The following ATCAY variants were observed in gnomAD, a reference collection of about 807,000 sequenced individuals.
The protein encoded by ATCAY is caytaxin.
In ATCAY, 22 loss-of-function variants were observed where a neutral mutation model predicts 47.7. The observed-to-expected ratio is 0.46, with a 90% CI of 0.33 to 0.66. ATCAY has a LOEUF of 0.66. Ranked by LOEUF, ATCAY falls within the 30% of genes least tolerant of loss-of-function variation. The pLI, the probability that ATCAY is intolerant of heterozygous loss-of-function variation, is 0.02. For synonymous variants in ATCAY, 216 were observed against 207.6 expected, an observed-to-expected ratio of 1.04 and a Z score of -0.35; for missense variants, 452 against 515.0, an observed-to-expected ratio of 0.88 and a Z score of 1.18.
At chr19:3,910,038 G>A (rs572880054) in intron 7 of ATCAY, among the ~76,000 whole-genome samples, 6 of 152,122 alleles carry the variant, frequency 3.9e-5, no homozygotes, top group South Asian at 2.1e-4. Context: ...GCAGTGAGCC[G>A]AGATCATGCC....
At chr19:3,897,495 G>C (rs1360903872) in intron 2 of ATCAY, among the ~76,000 whole-genome samples, 1 of 150,674 alleles carries the variant, frequency 6.6e-6, no homozygotes, top group African/African-American at 2.4e-5. Flanking sequence ...GAGTCTCGCT[G>C]TGTTGCCCAG....
intron 12 of ATCAY, 55 bp downstream of exon 12, chr19:3,920,853 C>T (rs747045120): frequency 3.1e-6 from 5 of 1,593,826 alleles, no homozygotes; most frequent in South Asian, 2.2e-5. Context: ...CTTCATGGAC[C>T]TGTATTAGTC....
At chr19:3,893,636 C>T (rs2038738564) in intron 2 of ATCAY, 1 of 152,170 alleles carries the variant, frequency 6.6e-6, no homozygotes, top group African/African-American at 2.4e-5. Flanking sequence ...CAGGATCTCA[C>T]CTGACCTTGG....
At chr19:3,908,192 G>T (rs1049070687) in intron 5 of ATCAY, 76 bp from the exon 6 acceptor site, 2 of 1,303,468 alleles carry the variant, frequency 1.5e-6, no homozygotes, top group African/African-American at 2.9e-5. Context: ...GCACCGGGAC[G>T]TGGTGGGTGG....
chr19:3,924,060 GTGGA>G (rs371359538), intron 12 of ATCAY, among the ~76,000 whole-genome samples: 3 of 147,728 alleles, frequency 2.0e-5, no homozygotes, highest in East Asian at 4.2e-4. Context: ...GGATAGGTGG[GTGGA>G]TGGATGGATG....
Position 3,926,420 on chromosome 19 carries a change from G to T in ATCAY, c.*1828G>T, listed in dbSNP as rs567420020. ...AGTCTGAGCAGACGGTGAGTAGGGC[G>T]GGCACATTCTCCAGGCCCTTCTTCC... On this transcript the variant is annotated 3_prime_UTR_variant, in exon 13 of 13. Coordinates refer to ENST00000450849, the MANE Select transcript of ATCAY (RefSeq NM_033064.5). 1 of 152,230 alleles carries T rather than the reference G, an allele frequency of 6.6e-6. No individual in the cohort carries two copies. Among genetic ancestry groups the T allele is most frequent in the Non-Finnish European group, 1.5e-5 (1 of 68,058 alleles). 9.4% of individuals were successfully genotyped at this position (152,230 alleles called of 1,614,324 possible).
chr19:3,886,488 G>A (rs912146456), intron 2 of ATCAY, among the ~76,000 whole-genome samples: 7 of 151,836 alleles, frequency 4.6e-5, no homozygotes, highest in Admixed American at 2.0e-4. Flanking sequence ...TACTCGGGAG[G>A]CTGAGGCAGG....
In ATCAY at chr19:3,893,171, C is replaced by CATT. The variant is rs2038734102; in HGVS notation, c.77+7327_77+7328insATT. ...ATCTTGCATGTGGGGGGGACCCCCA[C>CATT]TTTTTTTTTTTTTTTTTTTTGAGAC... On this transcript the variant is annotated intron_variant, in intron 2 of 12. Coordinates refer to ENST00000450849, the MANE Select transcript of ATCAY (RefSeq NM_033064.5). 2.7e-5 allele frequency among the ~76,000 whole-genome samples: 3 copies of CATT among 111,850 alleles called. No individual in the cohort carries two copies. In the South Asian group the frequency reaches 8.5e-4, roughly 32 times the overall value. The allele number at this position is 111,850 out of a possible 152,430, so 73.4% of individuals were successfully genotyped here.
Position 3,892,205 on chromosome 19 carries a change from AT to A in ATCAY, c.77+6375del, listed in dbSNP as rs559569115. 2.1e-3 allele frequency among the ~76,000 whole-genome samples: 298 copies of A among 140,178 alleles called. 1 individual carries two copies. The East Asian group carries it at 0.023, about 11-fold the overall frequency. 92.0% of individuals were successfully genotyped at this position (140,178 alleles called of 152,430 possible). A position where few individuals can be genotyped will look rare whatever the true frequency, so the allele number is the denominator to read the frequency against. Reference sequence around the variant, plus strand: ...ATGCCCAGCTGCTTGTAACTTTTTAATTTTTTTTTTTTTTCCAGACGGGGTC... The same window carrying A: ...ATGCCCAGCTGCTTGTAACTTTTTAATTTTTTTTTTTTTCCAGACGGGGTC... On this transcript the variant is annotated intron_variant, in intron 2 of 12. Coordinates refer to ENST00000450849, the MANE Select transcript of ATCAY (RefSeq NM_033064.5).
At position 3,907,830 on chromosome 19, in the gene ATCAY, G is replaced by A. The variant is rs372708763; in HGVS notation, c.455G>A (p.Arg152His). ...GAGGACGGCAGCGCCGCCAACGGGC[G>A]CCTGTGGCGGACAGTGATCATCGGG... is the stretch of plus-strand genomic sequence containing the variant. Reference protein sequence around the residue: ...TTEDGSAANGRLWRTVIIGEQ... With the variant: ...TTEDGSAANGHLWRTVIIGEQ... Residue 152 changes from arginine (R) to histidine (H), a missense_variant, in exon 5 of 13, where the codon CGC becomes CAC. Coordinates refer to ENST00000450849, the MANE Select transcript of ATCAY (RefSeq NM_033064.5). This position sits in a 1 kb window ranked among gnomAD's most constrained non-coding sequence, Gnocchi z 5.1. The A allele has an allele frequency of 3.1e-5, 50 of 1,613,960 alleles. 1 individual carries two copies. Among genetic ancestry groups the A allele is most frequent in the South Asian group, 4.4e-5 (4 of 91,092 alleles).
intron 1 of ATCAY, among the ~76,000 whole-genome samples, chr19:3,882,088 CT>C (rs1351933899): frequency 6.6e-6 from 1 of 152,130 alleles, no homozygotes; most frequent in African/African-American, 2.4e-5. Flanking sequence ...CCACAGTCCC[CT>C]GTCCCCGATG....
chr19:3,893,907 G>A (rs937948774), intron 2 of ATCAY, among the ~76,000 whole-genome samples: 8 of 150,058 alleles, frequency 5.3e-5, no homozygotes, highest in African/African-American at 2.0e-4. Context: ...CTCTCTCTGC[G>A]CCAGGCACCC....
chr19:3,917,673 G>T (rs923696563), intron 9 of ATCAY, 69 bp from the exon 10 acceptor site: 26 of 1,567,612 alleles, frequency 1.7e-5, no homozygotes, highest in Non-Finnish European at 2.0e-5. Context: ...GAAAAGGAAA[G>T]GGATTTCCCC....
intron 3 of ATCAY, 22 bp downstream of exon 3, chr19:3,902,567 A>T: frequency 6.4e-7 from 1 of 1,557,588 alleles, no homozygotes; most frequent in South Asian, 1.2e-5. Context: ...CGTCCACAGA[A>T]GGGCGGAAAC....
intron 2 of ATCAY, among the ~76,000 whole-genome samples, chr19:3,899,032 AT>A (rs2038792389): frequency 6.6e-6 from 1 of 152,080 alleles, no homozygotes; most frequent in Non-Finnish European, 1.5e-5. Context: ...AATTATGTTC[AT>A]TCAAGTATGA....
intron 12 of ATCAY, 73 bp from the exon 13 acceptor site, chr19:3,924,510 C>T (rs2039049861): frequency 6.4e-7 from 1 of 1,571,466 alleles, no homozygotes; most frequent in Admixed American, 1.7e-5. Flanking sequence ...TTTTGGATTA[C>T]ATACATGTAG....
intron 8 of ATCAY, among the ~76,000 whole-genome samples, chr19:3,911,337 G>C (rs2038921158): frequency 6.6e-6 from 1 of 152,110 alleles, no homozygotes; most frequent in Non-Finnish European, 1.5e-5. Flanking sequence ...CTGTACTCCA[G>C]CCTGGATGAC....
chr19:3,881,653 T>G (rs951017585), intron 1 of ATCAY, among the ~76,000 whole-genome samples: 4 of 150,666 alleles, frequency 2.7e-5, no homozygotes, highest in Non-Finnish European at 3.0e-5. Flanking sequence ...CACCCCATCC[T>G]TAGAAGACTG....
intron 2 of ATCAY, among the ~76,000 whole-genome samples, chr19:3,891,537 T>G (rs2038719345): frequency 6.6e-6 from 1 of 151,886 alleles, no homozygotes; most frequent in South Asian, 2.1e-4. Flanking sequence ...ATGGCACTTC[T>G]GACCAGGCCA....
Sources: gnomAD v4.1 joint callset for allele counts (sites outside exome capture counted in the v4.1 genomes callset) on GRCh38, gnomAD v4.1.1 for gene constraint, Gnocchi (gnomAD v3.1) non-coding constraint, MANE v1.5 for transcripts, NCBI Gene and HGNC (gene_info 2026-07-23, HGNC 2026-07-21) for gene names.